Variants in HIBCH observed in about 807,000 individuals in gnomAD.
The protein encoded by HIBCH is 3-hydroxyisobutyryl-CoA hydrolase.
HIBCH carries 50 observed loss-of-function variants against 58.2 expected under a neutral mutation model. The ratio of observed to expected loss-of-function variants is 0.86; its 90% CI spans 0.68 to 1.09. HIBCH has a LOEUF of 1.09. HIBCH is among the 50% of genes least tolerant of loss of function. The pLI is 0.00. For missense variants in HIBCH, 450 were observed against 449.7 expected, an observed-to-expected ratio of 1.00 and a Z score of -0.01; for synonymous variants, 151 against 146.9, an observed-to-expected ratio of 1.03 and a Z score of -0.20.
intron 11 of HIBCH, among the ~76,000 whole-genome samples, chr2:190,234,743 G>A (rs10196444): frequency 0.033 from 5,075 of 151,956 alleles, 137 homozygotes; most frequent in East Asian, 0.14. Context: ...CCAGTTACTC[G>A]GGAGGCTGAG....
chr2:190,261,307 C>T lies in HIBCH; in HGVS notation c.439-73G>A, dbSNP rs1687083499. The T allele has an allele frequency of 3.7e-6, 4 of 1,074,818 alleles. No homozygotes were observed. The South Asian group carries it at 5.1e-5, about 14-fold the overall frequency. The allele number at this position is 1,074,818 out of a possible 1,614,324, so 66.6% of individuals were successfully genotyped here. ...GTTAAAAAACAAGCAAATTCACACA[C>T]TTACAAAATTACAAAGCAAGTAAAT... On this transcript the variant is annotated intron_variant, in intron 6 of 13. Transcript: ENST00000359678.
chr2:190,297,004 C>T (rs903285526), intron 2 of HIBCH, 51 bp from the exon 3 acceptor site: 1 of 1,544,548 alleles, frequency 6.5e-7, no homozygotes, highest in Admixed American at 1.7e-5. Context: ...GTTTTTATCA[C>T]AAGCCAACAT....
intron 11 of HIBCH, among the ~76,000 whole-genome samples, chr2:190,222,389 G>T (rs564650225): frequency 6.0e-5 from 9 of 149,872 alleles, no homozygotes; most frequent in Non-Finnish European, 7.4e-5. Context: ...TAAGGTTCAA[G>T]AATGTCAAAG....
intron 2 of HIBCH, among the ~76,000 whole-genome samples, chr2:190,298,741 T>C (rs755871693): frequency 1.4e-4 from 22 of 152,212 alleles, no homozygotes; most frequent in Non-Finnish European, 2.6e-4. Context: ...AGAAGCTCTT[T>C]AGTTTGATTA....
chr2:190,261,334 A>C, intron 6 of HIBCH, 100 bp from the exon 7 acceptor site: 1 of 830,946 alleles, frequency 1.2e-6, no homozygotes, highest in Non-Finnish European at 2.0e-6. Context: ...CAAGTAAATT[A>C]TCTTTATACT....
rs1686877739 is a variant in HIBCH, at chr2:190,254,805, C to T, written c.518-2498G>A. On this transcript the variant is annotated intron_variant, in intron 7 of 13. Coordinates refer to ENST00000359678, the MANE Select transcript of HIBCH (RefSeq NM_014362.4). The surrounding 1 kb of genome is among the most constrained non-coding windows in gnomAD (Gnocchi z 5.0). ...CCAAACTACTCCAAAGCCAAAATCT[C>T]TCCAGACTGTGCTGTCCAACAGAAC... Among the ~76,000 whole-genome samples, 1 of 152,204 alleles carries T rather than the reference C, an allele frequency of 6.6e-6. No homozygotes were observed. Among genetic ancestry groups the T allele is most frequent in the Non-Finnish European group, 1.5e-5 (1 of 68,036 alleles).
chr2:190,298,752 G>C lies in HIBCH; in HGVS notation c.79-1799C>G, dbSNP rs1043905374. Among the ~76,000 whole-genome samples the C allele has an allele frequency of 5.3e-5, 8 of 152,116 alleles. No homozygotes were observed. The South Asian group carries it at 1.7e-3, about 32-fold the overall frequency. ...GTGCAGAAGCTCTTTAGTTTGATTA[G>C]ATCCCATTTGTCAATTTTGGCTTTT... On this transcript the variant is annotated intron_variant, in intron 2 of 13. Transcript: ENST00000359678.
At chr2:190,253,415 G>A (rs1035808831) in intron 7 of HIBCH, among the ~76,000 whole-genome samples, 8 of 152,126 alleles carry the variant, frequency 5.3e-5, no homozygotes, top group Admixed American at 5.2e-4. Context: ...AAAGCATCAT[G>A]CTCCTGTAAA....
At chr2:190,290,769 C>T (rs527376241) in intron 4 of HIBCH, among the ~76,000 whole-genome samples, 3 of 152,250 alleles carry the variant, frequency 2.0e-5, no homozygotes, top group African/African-American at 4.8e-5. Flanking sequence ...AACCTGTAAT[C>T]GCAGCACTTT....
chr2:190,251,620 T>G (rs1276604279), intron 8 of HIBCH: 2 of 412,622 alleles, frequency 4.8e-6, no homozygotes, highest in Non-Finnish European at 1.0e-5. Flanking sequence ...AAACTCAAAC[T>G]ATCTATATAT....
chr2:190,218,590 TA>T (rs1292853080), intron 11 of HIBCH, among the ~76,000 whole-genome samples: 2 of 151,992 alleles, frequency 1.3e-5, no homozygotes, highest in African/African-American at 4.8e-5. Context: ...AACTAAAAAT[TA>T]AAAATATGGG....
At chr2:190,245,977 G>A (rs1306959525) in intron 10 of HIBCH, among the ~76,000 whole-genome samples, 177 bp downstream of exon 10, 4 of 141,968 alleles carry the variant, frequency 2.8e-5, no homozygotes, top group Non-Finnish European at 6.0e-5. Context: ...GGGATAGAGC[G>A]AGACTCTGTC....
rs1458011393 is a variant in HIBCH, at chr2:190,252,242, G to A, written c.583C>T (p.Leu195Phe). The change falls in exon 8 of 14, where the codon CTT (leucine) becomes TTT (phenylalanine). Residue 195 changes from leucine to phenylalanine, a missense_variant. Coordinates refer to ENST00000359678, the MANE Select transcript of HIBCH (RefSeq NM_014362.4). ...PRLQGKLGYFLALTGFRLKGR... is the reference protein window; with the variant it reads ...PRLQGKLGYFFALTGFRLKGR... Reference sequence around the variant, plus strand: ...TTTAGTCTGAATCCTGTTAATGCAAGGAAGTAACCAAGTTTTCCTTGGAGT... The same window carrying A: ...TTTAGTCTGAATCCTGTTAATGCAAAGAAGTAACCAAGTTTTCCTTGGAGT... 3 of 1,613,548 alleles carry A rather than the reference G, an allele frequency of 1.9e-6. No homozygotes were observed. Among genetic ancestry groups the A allele is most frequent in the South Asian group, 2.2e-5 (2 of 91,070 alleles).
intron 11 of HIBCH, among the ~76,000 whole-genome samples, chr2:190,218,325 C>T (rs1262079154): frequency 1.3e-5 from 2 of 152,096 alleles, no homozygotes; most frequent in East Asian, 3.9e-4. Flanking sequence ...TATAAGGGCC[C>T]CATGCTACCT....
intron 11 of HIBCH, among the ~76,000 whole-genome samples, chr2:190,224,632 A>G (rs56853355): frequency 0.3 from 45,701 of 152,012 alleles, 7,758 homozygotes; most frequent in East Asian, 0.45. Context: ...CAGATTAATA[A>G]AGCAAGTCCT....
At chr2:190,305,541 C>G (rs1400795177) in intron 2 of HIBCH, among the ~76,000 whole-genome samples, 1 of 152,048 alleles carries the variant, frequency 6.6e-6, no homozygotes, top group Non-Finnish European at 1.5e-5. Context: ...TCAATTATGA[C>G]CTTAATTACA....
Position 190,215,060 on chromosome 2 carries a change from G to C in HIBCH, c.892-1985C>G, listed in dbSNP as rs575163752. ...GTACTGAGGTTAGGAATTTTAAAAAGGAAATGAGGCCATTCTTGGAAGATC... is the reference window on the plus strand; with the variant it reads ...GTACTGAGGTTAGGAATTTTAAAAACGAAATGAGGCCATTCTTGGAAGATC... On this transcript the variant is annotated intron_variant, in intron 11 of 13. Coordinates refer to ENST00000359678, the MANE Select transcript of HIBCH (RefSeq NM_014362.4). This position sits in a 1 kb window ranked among gnomAD's most constrained non-coding sequence, Gnocchi z 4.4. 3.3e-5 allele frequency: 5 copies of C among 152,332 alleles called. No individual in the cohort carries two copies. Among genetic ancestry groups the C allele is most frequent in the East Asian group, 3.9e-4 (2 of 5,188 alleles). The allele number at this position is 152,332 out of a possible 1,614,324, so 9.4% of individuals were successfully genotyped here. A position where few individuals can be genotyped will look rare whatever the true frequency, so the allele number is the denominator to read the frequency against.
downstream of HIBCH, chr2:190,202,630 G>A (rs1166131280): frequency 6.0e-6 from 1 of 166,930 alleles, no homozygotes; most frequent in African/African-American, 2.4e-5. Flanking sequence ...ATAAAAGAGA[G>A]TAGAAGGACT....
chr2:190,208,735 G>T, intron 13 of HIBCH, 145 bp downstream of exon 13: 2 of 673,672 alleles, frequency 3.0e-6, no homozygotes, highest in East Asian at 3.1e-5. Flanking sequence ...ACATTTGAGT[G>T]TCATGTTGGT....
Sources: gnomAD v4.1 joint callset for allele counts (sites outside exome capture counted in the v4.1 genomes callset) on GRCh38, gnomAD v4.1.1 for gene constraint, Gnocchi (gnomAD v3.1) non-coding constraint, MANE v1.5 for transcripts, NCBI Gene and HGNC (gene_info 2026-07-23, HGNC 2026-07-21) for gene names.